RPL13: variants seen among roughly 807,000 people sequenced by gnomAD.
RPL13 encodes large ribosomal subunit protein eL13.
A neutral mutation model predicts 21.4 loss-of-function variants in RPL13; 1 was observed. That is an observed-to-expected ratio of 0.05 (90% CI 0.02 to 0.22). The LOEUF (loss-of-function observed/expected upper bound fraction) is 0.22. Among genes scored for constraint, RPL13 ranks in the 10% least tolerant of loss-of-function variants. The probability of loss-of-function intolerance (pLI) is 1.00; values close to 1 mark genes in which losing one functional copy is unlikely to be tolerated. For missense variants in RPL13, 289 were observed against 303.0 expected, an observed-to-expected ratio of 0.95 and a Z score of 0.34; for synonymous variants, 143 against 120.5, an observed-to-expected ratio of 1.19 and a Z score of -1.23.
chr16:89,561,408 A>C, intron 3 of RPL13, 40 bp downstream of exon 3: 1 of 1,612,390 alleles, frequency 6.2e-7, no homozygotes, highest in Non-Finnish European at 8.5e-7. Context: ...AAGGCCCCGA[A>C]GTCCCCTCTG....
intron 5 of RPL13, 133 bp from the exon 6 acceptor site, chr16:89,562,751 T>C (rs956979859): frequency 1.3e-5 from 11 of 846,134 alleles, no homozygotes; most frequent in Non-Finnish European, 1.9e-5. Context: ...TGACTCAGGG[T>C]TGCTTTTCAG....
downstream of RPL13, chr16:89,565,079 T>C (rs990119372): frequency 6.8e-6 from 1 of 146,000 alleles, no homozygotes; most frequent in Admixed American, 6.6e-5. Context: ...CAGAGTCCCC[T>C]CCTCATTTCA....
chr16:89,563,375 G>C lies in RPL13; in HGVS notation c.*333G>C. ...GCTGTAATCCCAGCACTTTGAGGTT[G>C]GCTGGGAGTTCAAGACCAGCCTGGC... On this transcript the variant is annotated 3_prime_UTR_variant, in exon 6 of 6. Transcript: ENST00000311528. The C allele has an allele frequency of 5.9e-6, 1 of 170,380 alleles. No individual in the cohort carries two copies. The highest frequency in any genetic ancestry group is 2.4e-5 in the African/African-American group (1 of 42,214). The allele number at this position is 170,380 out of a possible 1,614,324, so 10.6% of individuals were successfully genotyped here.
rs1286670022 is a variant in RPL13, at chr16:89,562,249, CCCAGGGGAAAGTTTGGGG to C, written c.421-80_421-63del. 89 of 1,311,796 alleles carry C rather than the reference CCCAGGGGAAAGTTTGGGG, an allele frequency of 6.8e-5. No individual in the cohort carries two copies. In the African/African-American group the frequency reaches 1.3e-3, roughly 18 times the overall value. 81.3% of individuals were successfully genotyped at this position (1,311,796 alleles called of 1,614,324 possible). ...AGACACTGGTCCTGAACACGGAATC[CCCAGGGGAAAGTTTGGGG>C]CCAGGTGAGGGTGGAGTCCTTGCAG... On this transcript the variant is annotated intron_variant, in intron 4 of 5. Transcript: ENST00000311528.
intron 3 of RPL13, 27 bp downstream of exon 3, chr16:89,561,395 AG>A (rs760160948): frequency 6.2e-7 from 1 of 1,611,326 alleles, no homozygotes; most frequent in African/African-American, 1.3e-5. Context: ...CTGCGGTGTC[AG>A]GAAGGCCCCG....
rs769991161 is a variant in RPL13 at position 89,563,146 on chromosome 16, T to A, written c.*104T>A. The A allele has an allele frequency of 7.1e-6, 8 of 1,132,154 alleles. No individual in the cohort carries two copies. Among genetic ancestry groups the A allele is most frequent in the Non-Finnish European group, 9.4e-6 (8 of 850,344 alleles). The allele number at this position is 1,132,154 out of a possible 1,614,324, so 70.1% of individuals were successfully genotyped here. On this transcript the variant is annotated 3_prime_UTR_variant, in exon 6 of 6. Coordinates refer to ENST00000311528, the MANE Select transcript of RPL13 (RefSeq NM_000977.4). ...TGGGATGGGGCTTCACTGCTGTGAC[T>A]TCCTCCTGCCAGGGGATTTGGGGCT...
chr16:89,563,874 C>T lies in RPL13; in HGVS notation c.*832C>T, dbSNP rs2058763899. 6.6e-6 allele frequency: 1 copy of T among 152,250 alleles called. No individual in the cohort carries two copies. The highest frequency in any genetic ancestry group is 1.5e-5 in the Non-Finnish European group (1 of 68,056). The allele number at this position is 152,250 out of a possible 1,614,324, so 9.4% of individuals were successfully genotyped here. The stretch of plus-strand genomic sequence containing the variant: ...TCAATGGGCTTCTTCACCCAGACAC[C>T]AAGGTATGAGATGGCCCTGCCAAGT... On this transcript the variant is annotated 3_prime_UTR_variant, in exon 6 of 6. Transcript: ENST00000311528.
chr16:89,561,418 G>T (rs1175756217), intron 3 of RPL13, 50 bp downstream of exon 3: 1 of 1,612,608 alleles, frequency 6.2e-7, no homozygotes, highest in Non-Finnish European at 8.5e-7. Flanking sequence ...AGTCCCCTCT[G>T]TTGGCCTCAG....
rs1457560807 is a variant in RPL13, at chr16:89,564,099, C to G, written c.*1057C>G. ...CTACCAGCTCACAGCAGCACCTGCT[C>G]TCCTTGGCAGCTATGGCCATGACAA... On this transcript the variant is annotated 3_prime_UTR_variant, in exon 6 of 6. Transcript: ENST00000311528. The G allele has an allele frequency of 6.6e-6, 1 of 152,342 alleles. No homozygotes were observed. Among genetic ancestry groups the G allele is most frequent in the Non-Finnish European group, 1.5e-5 (1 of 68,120 alleles). 9.4% of individuals were successfully genotyped at this position (152,342 alleles called of 1,614,324 possible).
chr16:89,561,860 A>T, intron 4 of RPL13, 109 bp downstream of exon 4: 2 of 1,165,734 alleles, frequency 1.7e-6, no homozygotes, highest in Admixed American at 2.3e-5. Flanking sequence ...GAACCAAAAC[A>T]TTGTGGGTGA....
At chr16:89,560,662 G>A (rs987542250), upstream of RPL13, 1 of 328,360 alleles carries the variant, frequency 3.0e-6, no homozygotes, top group Non-Finnish European at 5.6e-6. Flanking sequence ...TCATCCCAGA[G>A]TGCATTGCGG....
Position 89,560,985 on chromosome 16 carries a change from T to C in RPL13, c.26T>C (p.Val9Ala). 6.2e-7 allele frequency: 1 copy of C among 1,606,934 alleles called. No individual in the cohort carries two copies. The highest frequency in any genetic ancestry group is 1.4e-5 in the African/African-American group (1 of 74,010). Reference sequence around the variant, plus strand: ...ATGGCGCCCAGCCGGAATGGCATGGTCTTGAAGCCCCACTTCCACAAGGAC... The same window carrying C: ...ATGGCGCCCAGCCGGAATGGCATGGCCTTGAAGCCCCACTTCCACAAGGAC... MAPSRNGM[V>A]LKPHFHKDWQ... Residue 9 changes from valine (V) to alanine (A), a missense_variant, in exon 2 of 6, where the codon GTC becomes GCC. Transcript: ENST00000311528.
At chr16:89,562,425 A>G in intron 5 of RPL13, 34 bp downstream of exon 5, 16 of 1,603,792 alleles carry the variant, frequency 1.0e-5, no homozygotes, top group Non-Finnish European at 1.4e-5. Context: ...CAGGCTTCAG[A>G]CGAGATCAGT....
chr16:89,565,041 G>A (rs535728785), downstream of RPL13: 1 of 152,256 alleles, frequency 6.6e-6, no homozygotes, highest in Non-Finnish European at 1.5e-5. Flanking sequence ...CTGTGCACCT[G>A]GGGCGGGGTA....
In RPL13 at chr16:89,561,195, A is replaced by G. The variant is rs527849412; in HGVS notation, c.105-32A>G. 2.9e-3 allele frequency: 4,320 copies of G among 1,510,842 alleles called. 10 individuals carry two copies. Among genetic ancestry groups the G allele is most frequent in the Non-Finnish European group, 3.2e-3 (3,589 of 1,129,698 alleles). The allele number at this position is 1,510,842 out of a possible 1,614,324, so 93.6% of individuals were successfully genotyped here. A position where few individuals can be genotyped will look rare whatever the true frequency, so the allele number is the denominator to read the frequency against. The stretch of plus-strand genomic sequence containing the variant: ...AGCGCTGGCCTGGCGGCCTTAGGCA[A>G]GGGTGACCGCCGCTGCGCTTCTCTC... On this transcript the variant is annotated intron_variant, in intron 2 of 5. Coordinates refer to ENST00000311528, the MANE Select transcript of RPL13 (RefSeq NM_000977.4).
intron 1 of RPL13, 56 bp downstream of exon 1, chr16:89,560,768 C>T (rs1208028222): frequency 1.9e-6 from 1 of 531,764 alleles, no homozygotes; most frequent in Non-Finnish European, 3.3e-6. Context: ...CGGCCTGGCG[C>T]TTCAGCCAAC....
At position 89,564,313 on chromosome 16, in the gene RPL13, C is replaced by T. The variant is rs140353078; in HGVS notation, c.*1271C>T. The T allele has an allele frequency of 2.0e-5, 3 of 152,268 alleles. No individual in the cohort carries two copies. The highest frequency in any genetic ancestry group is 4.4e-5 in the Non-Finnish European group (3 of 68,032). The allele number at this position is 152,268 out of a possible 1,614,324, so 9.4% of individuals were successfully genotyped here. ...CCTTGCTTGTTTGGAAACATCTAAA[C>T]ATCTAGTAGATGACTTGCAGGCTGT... On this transcript the variant is annotated 3_prime_UTR_variant, in exon 6 of 6. Transcript: ENST00000311528.
At chr16:89,562,248 C>T in intron 4 of RPL13, 87 bp from the exon 5 acceptor site, 1 of 1,287,102 alleles carries the variant, frequency 7.8e-7, no homozygotes, top group African/African-American at 1.5e-5. Context: ...AACACGGAAT[C>T]CCCAGGGGAA....
intron 4 of RPL13, chr16:89,562,087 T>A (rs1463100869): frequency 5.1e-6 from 3 of 588,142 alleles, no homozygotes; most frequent in Admixed American, 3.5e-5. Context: ...TAGGGAACAG[T>A]TTTCTCTGCC....
Sources: allele counts gnomAD v4.1 joint callset, GRCh38; gene constraint gnomAD v4.1.1; transcripts MANE v1.5; gene names NCBI Gene and HGNC (gene_info 2026-07-23, HGNC 2026-07-21).